The following ACRBP variants were observed in gnomAD, a reference collection of about 807,000 sequenced individuals.
ACRBP encodes acrosin-binding protein.
ACRBP carries 52 observed loss-of-function variants against 69.0 expected under a neutral mutation model. That is an observed-to-expected ratio of 0.75 (90% confidence interval 0.60 to 0.95). The LOEUF (loss-of-function observed/expected upper bound fraction) is 0.95. Among genes scored for constraint, ACRBP ranks in the 40% least tolerant of loss-of-function variants. The pLI is 0.00. For synonymous variants in ACRBP, 267 were observed against 258.9 expected (o/e 1.03, Z -0.30); for missense variants, 604 against 673.0 (o/e 0.90, Z 1.13).
rs1021299682 is a variant in ACRBP, at chr12:6,644,455, T to C, written c.626A>G (p.Gln209Arg). The C allele has an allele frequency of 1.9e-6, 3 of 1,614,100 alleles. No homozygotes were observed. The highest frequency in any genetic ancestry group is 1.6e-4 in the Middle Eastern group (1 of 6,062). The change falls in exon 5 of 10, where the codon CAA becomes CGA. Residue 209 changes from glutamine to arginine, a missense_variant. Transcript: ENST00000229243. ...QGVEHRQEPT[Q>R]EHKQEEGQKQ... Reference sequence around the variant, plus strand: ...CTGCCCCTCTTCCTGCTTGTGTTCTTGTGTCGGCTCCTGCCTGTGCTCCAC... The same window carrying C: ...CTGCCCCTCTTCCTGCTTGTGTTCTCGTGTCGGCTCCTGCCTGTGCTCCAC...
Position 6,646,811 on chromosome 12 carries a change from T to C in ACRBP, c.245A>G (p.His82Arg). The C allele has an allele frequency of 6.2e-7, 1 of 1,613,922 alleles. No homozygotes were observed. The highest frequency in any genetic ancestry group is 8.5e-7 in the Non-Finnish European group (1 of 1,180,000). Residue 82 changes from histidine (H) to arginine (R), a missense_variant, in exon 2 of 10, where the codon CAC (histidine) becomes CGC (arginine). Around this residue, in one of 3 missense-constraint regions of ACRBP, gnomAD observed 532 missense variants for 562.9 expected, o/e 0.95. Coordinates refer to ENST00000229243, the MANE Select transcript of ACRBP (RefSeq NM_032489.3). The part of the protein sequence containing the change: ...TLVQLDQYEN[H>R]GLVPDGAVCS... ...GCCCTCACCATCGGGCACTAAGCCG[T>C]GGTTTTCATATTGGTCCAGCTGGAC...
In ACRBP at chr12:6,643,572, G is replaced by A. The variant is rs34652723; in HGVS notation, c.1044C>T (p.Tyr348=). 1,566 of 1,614,244 alleles carry A rather than the reference G, an allele frequency of 9.7e-4. 14 individuals are homozygous for A. In the African/African-American group the frequency reaches 0.018, roughly 18 times the overall value. The change falls in exon 6 of 10, where the codon TAC becomes TAT. Residue 348 remains tyrosine (Y), a synonymous_variant. Coordinates refer to ENST00000229243, the MANE Select transcript of ACRBP (RefSeq NM_032489.3). ...IITPTAKAWK[Y]MEEEILGFGK... ...CGAAACCAAGGATCTCCTCCTCCAT[G>A]TACTTCCAGGCCTTGGCTGTGGGGG...
rs899258065 is a variant in ACRBP at position 6,638,176 on chromosome 12, G to C, written c.*106C>G. ...CTCCAACCCAAGGAAATGTGAGTAGGGGCCGAGTAACAGACCCAGAAGGGG... is the reference window on the plus strand; with the variant it reads ...CTCCAACCCAAGGAAATGTGAGTAGCGGCCGAGTAACAGACCCAGAAGGGG... On this transcript the variant is annotated 3_prime_UTR_variant, in exon 10 of 10. Transcript: ENST00000229243. 1.5e-5 allele frequency: 22 copies of C among 1,506,440 alleles called. No homozygotes were observed. In the Middle Eastern group the frequency reaches 1.2e-3, roughly 81 times the overall value. The allele number at this position is 1,506,440 out of a possible 1,614,324, so 93.3% of individuals were successfully genotyped here.
intron 6 of ACRBP, among the ~76,000 whole-genome samples, chr12:6,643,326 G>C (rs577679448): frequency 3.9e-5 from 6 of 152,254 alleles, no homozygotes; most frequent in African/African-American, 1.2e-4. Flanking sequence ...AATGAATTCT[G>C]GACTGGATTG....
chr12:6,638,475 G>A (rs1000853958), intron 9 of ACRBP, 71 bp from the exon 10 acceptor site: 47 of 1,599,768 alleles, frequency 2.9e-5, no homozygotes, highest in Non-Finnish European at 4.0e-5. Flanking sequence ...GAGGGGAGGT[G>A]TCAGAAGCCC....
chr12:6,645,106 C>T (rs1949078272), intron 4 of ACRBP, 114 bp downstream of exon 4: 6 of 783,322 alleles, frequency 7.7e-6, no homozygotes, highest in African/African-American at 1.8e-5. Context: ...TGTCTGCTGG[C>T]GCCCCCTTCC....
rs75009607 is a variant in ACRBP at position 6,643,474 on chromosome 12, A to G, written c.1077+65T>C. ...TGCCCATCCTCCACTCCCATAGCCT[A>G]GCACAGTGCCTGGCCAAGAGGATGC... On this transcript the variant is annotated intron_variant, in intron 6 of 9. Coordinates refer to ENST00000229243, the MANE Select transcript of ACRBP (RefSeq NM_032489.3). The G allele has an allele frequency of 0.015, 23,190 of 1,597,636 alleles. 1,872 individuals are homozygous for G. The African/African-American group carries it at 0.22, about 15-fold the overall frequency.
chr12:6,647,157 C>G, intron 1 of ACRBP, 145 bp from the exon 2 acceptor site: 2 of 1,110,460 alleles, frequency 1.8e-6, no homozygotes, highest in Non-Finnish European at 2.6e-6. Context: ...GAGACAGAGG[C>G]AAAGGTCCGG....
At position 6,647,311 on chromosome 12, in the gene ACRBP, G is replaced by A; in HGVS notation, c.43+13C>T. On this transcript the variant is annotated intron_variant, in intron 1 of 9. Coordinates refer to ENST00000229243, the MANE Select transcript of ACRBP (RefSeq NM_032489.3). ...CCGGGGAGAGTCTGTTGGAGCAGGT[G>A]TAAACCTCTCACCCTTCAGGAGTGA... 1.3e-6 allele frequency: 2 copies of A among 1,553,200 alleles called. No individual in the cohort carries two copies. Among genetic ancestry groups the A allele is most frequent in the Non-Finnish European group, 1.7e-6 (2 of 1,150,494 alleles).
intron 1 of ACRBP, 145 bp downstream of exon 1, chr12:6,647,179 G>A: frequency 8.9e-7 from 1 of 1,126,610 alleles, no homozygotes; most frequent in South Asian, 1.4e-5. Context: ...CGCGGGCGGG[G>A]GGAGATGGGA....
intron 6 of ACRBP, among the ~76,000 whole-genome samples, chr12:6,642,358 G>T (rs1005304353): frequency 6.6e-6 from 1 of 152,082 alleles, no homozygotes; most frequent in Non-Finnish European, 1.5e-5. Flanking sequence ...GTTAATTTTT[G>T]TATATGGTGT....
At chr12:6,645,164 G>T in intron 4 of ACRBP, 56 bp downstream of exon 4, 2 of 1,375,982 alleles carry the variant, frequency 1.5e-6, no homozygotes, top group Non-Finnish European at 2.0e-6. Flanking sequence ...TTACGTTGTG[G>T]GCTCTGGGAG....
chr12:6,640,585 C>CA lies in ACRBP; in HGVS notation c.1078-64dup. ...CAGCGGCCTGCCTTCTCCCATGCCTCAGCCCTCCAGGGTGGGCCCTGCAGA... is the reference window on the plus strand; with the variant it reads ...CAGCGGCCTGCCTTCTCCCATGCCTCAAGCCCTCCAGGGTGGGCCCTGCAGA... On this transcript the variant is annotated intron_variant, in intron 6 of 9. Transcript: ENST00000229243. This position sits in a 1 kb window ranked among gnomAD's most constrained non-coding sequence, Gnocchi z 5.3. 6.4e-7 allele frequency: 1 copy of CA among 1,551,506 alleles called. No homozygotes were observed. Among genetic ancestry groups the CA allele is most frequent in the African/African-American group, 1.4e-5 (1 of 73,888 alleles).
At chr12:6,646,171 C>G (rs1259540235) in intron 3 of ACRBP, among the ~76,000 whole-genome samples, 1 of 149,214 alleles carries the variant, frequency 6.7e-6, no homozygotes, top group Non-Finnish European at 1.5e-5. Flanking sequence ...GGGGTTTCAC[C>G]ATGTTGGCCA....
intron 6 of ACRBP, among the ~76,000 whole-genome samples, chr12:6,642,329 G>T (rs905713905): frequency 6.6e-6 from 1 of 152,018 alleles, no homozygotes; most frequent in Non-Finnish European, 1.5e-5. Flanking sequence ...CTTACATTTA[G>T]GTCTTTGATC....
In ACRBP at chr12:6,642,647, C is replaced by CAAGTATAAATCAAGTA. The variant is rs1221683262; in HGVS notation, c.1077+891_1077+892insTACTTGATTTATACTT. Among the ~76,000 whole-genome samples the CAAGTATAAATCAAGTA allele has an allele frequency of 2.2e-4, 34 of 152,296 alleles. No individual in the cohort carries two copies. In the South Asian group the frequency reaches 3.1e-3, roughly 14 times the overall value. On this transcript the variant is annotated intron_variant, in intron 6 of 9. Coordinates refer to ENST00000229243, the MANE Select transcript of ACRBP (RefSeq NM_032489.3). ...TAGTTACTTGAGCTTTATAGAAAGT[C>CAAGTATAAATCAAGTA]TGGATTTATATAGGACAAGTATGCT... is the stretch of plus-strand genomic sequence containing the variant.
chr12:6,640,361 G>C lies in ACRBP; in HGVS notation c.1239C>G (p.Ser413Arg). 6.2e-7 allele frequency: 1 copy of C among 1,614,158 alleles called. No homozygotes were observed. Residue 413 changes from serine (S) to arginine (R), a missense_variant, in exon 7 of 10, where the codon AGC (serine) becomes AGG (arginine). Physicochemically the swap from Ser to Arg is moderately radical, Grantham distance 110. This residue lies in a region of ACRBP where 532 missense variants were observed against 562.9 expected (regional missense o/e 0.95). Coordinates refer to ENST00000229243, the MANE Select transcript of ACRBP (RefSeq NM_032489.3). This position sits in a 1 kb window ranked among gnomAD's most constrained non-coding sequence, Gnocchi z 5.3. ...TAGATACCTGGTTGCCGATGGACAG[G>C]CTCTGGGAGGCAAGCAAGGGGCTGA... ...PFVSPLLASQ[S>R]LSIGNQVGSP...
At position 6,638,076 on chromosome 12, in the gene ACRBP, G is replaced by A. The variant is rs1392780796; in HGVS notation, c.*206C>T. 12 of 649,892 alleles carry A rather than the reference G, an allele frequency of 1.8e-5. No individual in the cohort carries two copies. Among genetic ancestry groups the A allele is most frequent in the Admixed American group, 3.0e-5 (1 of 32,966 alleles). The allele number at this position is 649,892 out of a possible 1,614,324, so 40.3% of individuals were successfully genotyped here. A position where few individuals can be genotyped will look rare whatever the true frequency, so the allele number is the denominator to read the frequency against. ...ATAACCAGAACAGGCCACACAGGCT[G>A]AAGATCAACATTTTATGTAAAGTCA... On this transcript the variant is annotated 3_prime_UTR_variant, in exon 10 of 10. Transcript: ENST00000229243.
intron 8 of ACRBP, 30 bp from the exon 9 acceptor site, chr12:6,639,067 G>A (rs761084145): frequency 2.5e-6 from 4 of 1,592,160 alleles, no homozygotes; most frequent in Non-Finnish European, 3.4e-6. Flanking sequence ...GAGGGAAGAG[G>A]GTATCAGAAG....
Sources: allele counts gnomAD v4.1 joint callset (sites outside exome capture counted in the v4.1 genomes callset), GRCh38; gene constraint gnomAD v4.1.1; regional missense constraint gnomAD v4.1.1; non-coding constraint Gnocchi (gnomAD v3.1); transcripts MANE v1.5; gene names NCBI Gene and HGNC (gene_info 2026-07-23, HGNC 2026-07-21).